The following EXOC4 variants were observed in gnomAD, a reference collection of about 807,000 sequenced individuals.
EXOC4 encodes the protein SEC8-like 1.
Under a neutral mutation model 107.2 loss-of-function variants are expected in EXOC4, and 71 were observed. That is an observed-to-expected ratio of 0.66 (90% CI 0.55 to 0.81). The LOEUF (loss-of-function observed/expected upper bound fraction) is 0.81, where lower values mean the gene tolerates loss of function less well. Among genes scored for constraint, EXOC4 ranks in the 30% least tolerant of loss-of-function variants. EXOC4 has a pLI of 0.00. For missense variants in EXOC4, 1,108 were observed against 1,189.6 expected, an observed-to-expected ratio of 0.93 and a Z score of 1.01; for synonymous variants, 456 against 441.2, an observed-to-expected ratio of 1.03 and a Z score of -0.42.
chr7:134,079,309 C>A, the EXOC4 span, among the ~76,000 whole-genome samples: 1 of 152,204 alleles, frequency 6.6e-6, no homozygotes, highest in Non-Finnish European at 1.5e-5. Flanking sequence ...TCAGACCCAC[C>A]TTCTAGTTTG....
At chr7:133,278,581 A>C (rs950072168) in intron 2 of EXOC4, among the ~76,000 whole-genome samples, 1 of 152,140 alleles carries the variant, frequency 6.6e-6, no homozygotes, top group African/African-American at 2.4e-5. Flanking sequence ...AGTCAGGGGC[A>C]TGATTGGAGG....
chr7:134,007,340 C>T (rs999280678), intron 16 of EXOC4, among the ~76,000 whole-genome samples: 9 of 152,080 alleles, frequency 5.9e-5, no homozygotes, highest in Non-Finnish European at 8.8e-5. Context: ...TAAAGAAAAG[C>T]GGGATTTCCT....
chr7:133,808,198 C>T (rs2151203268), intron 10 of EXOC4, among the ~76,000 whole-genome samples: 1 of 152,296 alleles, frequency 6.6e-6, no homozygotes, highest in Non-Finnish European at 1.5e-5. Flanking sequence ...ATACAAAAGG[C>T]ACAGATAGTA....
At chr7:133,365,410 TC>T (rs1169560521) in intron 6 of EXOC4, among the ~76,000 whole-genome samples, 45 of 152,206 alleles carry the variant, frequency 3.0e-4, no homozygotes, top group Non-Finnish European at 2.5e-4. Flanking sequence ...GGGTTTATTT[TC>T]TAATTTTAGC....
At chr7:134,079,630 C>A in the EXOC4 span, among the ~76,000 whole-genome samples, 4 of 152,272 alleles carry the variant, frequency 2.6e-5, no homozygotes, top group Admixed American at 6.5e-5. Context: ...TTAAGGATGT[C>A]ATTTCTCAGG....
chr7:133,822,573 A>C (rs1208674377), intron 11 of EXOC4, among the ~76,000 whole-genome samples: 2 of 152,198 alleles, frequency 1.3e-5, no homozygotes, highest in Non-Finnish European at 2.9e-5. Context: ...ATGAGTCTGC[A>C]TTTGTATAGA....
intron 10 of EXOC4, among the ~76,000 whole-genome samples, chr7:133,787,633 C>T (rs1796602445): frequency 6.6e-6 from 1 of 151,696 alleles, no homozygotes; most frequent in African/African-American, 2.4e-5. Flanking sequence ...CTGGCAGAGG[C>T]TCTTGGTGGC....
intron 7 of EXOC4, among the ~76,000 whole-genome samples, chr7:133,398,098 A>AT (rs2150727333): frequency 6.6e-6 from 1 of 152,274 alleles, no homozygotes; most frequent in South Asian, 2.1e-4. Context: ...TTATTCATGT[A>AT]TTAGGCTTAA....
intron 10 of EXOC4, among the ~76,000 whole-genome samples, chr7:133,729,316 A>AT (rs1211457444): frequency 1.3e-5 from 2 of 151,858 alleles, no homozygotes; most frequent in Non-Finnish European, 1.5e-5. Context: ...TAAAAATGTT[A>AT]TTTTTTTGAG....
At chr7:133,959,443 G>T (rs1359073109) in intron 14 of EXOC4, among the ~76,000 whole-genome samples, 7 of 151,230 alleles carry the variant, frequency 4.6e-5, no homozygotes, top group African/African-American at 1.7e-4. Flanking sequence ...ATCCATGAAG[G>T]TGGAAAAAAA....
chr7:133,413,612 T>C (rs1443532336), intron 7 of EXOC4, among the ~76,000 whole-genome samples: 1 of 152,156 alleles, frequency 6.6e-6, no homozygotes, highest in Non-Finnish European at 1.5e-5. Context: ...AAACCTCAGA[T>C]TCCTTTTGGG....
At chr7:133,397,825 A>G (rs1236977831) in intron 7 of EXOC4, among the ~76,000 whole-genome samples, 1 of 152,088 alleles carries the variant, frequency 6.6e-6, no homozygotes, top group African/African-American at 2.4e-5. Flanking sequence ...ACCACATACC[A>G]CTGTGCTTAG....
chr7:133,313,374 C>G (rs1045641817), intron 4 of EXOC4, among the ~76,000 whole-genome samples: 1 of 152,092 alleles, frequency 6.6e-6, no homozygotes, highest in Non-Finnish European at 1.5e-5. Context: ...ACTAAGGGCA[C>G]GTTATCTTTG....
At chr7:133,567,019 T>C (rs927750251) in intron 9 of EXOC4, among the ~76,000 whole-genome samples, 1 of 152,172 alleles carries the variant, frequency 6.6e-6, no homozygotes, top group Non-Finnish European at 1.5e-5. Flanking sequence ...TCTCCTTTTT[T>C]AACCTTTTGA....
chr7:133,624,354 G>A (rs1344579898), intron 9 of EXOC4, among the ~76,000 whole-genome samples: 2 of 152,112 alleles, frequency 1.3e-5, no homozygotes, highest in African/African-American at 2.4e-5. Flanking sequence ...GGAGGCCAAG[G>A]TGGGAGGATT....
chr7:133,268,719 A>C (rs1271018548), intron 1 of EXOC4, among the ~76,000 whole-genome samples: 1 of 152,146 alleles, frequency 6.6e-6, no homozygotes. Flanking sequence ...TATGGGACTC[A>C]CTTGGAGCTC....
In EXOC4 at chr7:133,273,671, A is replaced by G. The variant is rs78481106; in HGVS notation, c.87-1311A>G. On this transcript the variant is annotated intron_variant, in intron 1 of 17. Transcript: ENST00000253861. ...CCCTATAAATTGGAAAAGAAGTTTTATATACTGTGTGGCTCATGAATTAAG... is the reference window on the plus strand; with the variant it reads ...CCCTATAAATTGGAAAAGAAGTTTTGTATACTGTGTGGCTCATGAATTAAG... 2.1e-3 allele frequency among the ~76,000 whole-genome samples: 314 copies of G among 152,334 alleles called. 2 individuals carry two copies. The highest frequency in any genetic ancestry group is 7.4e-3 in the African/African-American group (308 of 41,574).
chr7:133,941,464 T>C (rs543910427), intron 14 of EXOC4, among the ~76,000 whole-genome samples: 1 of 152,290 alleles, frequency 6.6e-6, no homozygotes, highest in Non-Finnish European at 1.5e-5. Flanking sequence ...TTAAAACTAA[T>C]TATTTTTTTC....
intron 10 of EXOC4, among the ~76,000 whole-genome samples, chr7:133,715,084 G>A (rs1794972488): frequency 1.3e-5 from 2 of 152,246 alleles, no homozygotes; most frequent in Admixed American, 1.3e-4. Context: ...TTCCTGGGTT[G>A]TATAAATAAA....
Sources: allele counts gnomAD v4.1 joint callset (sites outside exome capture counted in the v4.1 genomes callset), GRCh38; gene constraint gnomAD v4.1.1; transcripts MANE v1.5; gene names NCBI Gene and HGNC (gene_info 2026-07-23, HGNC 2026-07-21).